MACROD2: variants seen among roughly 807,000 people sequenced by gnomAD.
The protein encoded by MACROD2 is mono-ADP ribosylhydrolase 2.
In MACROD2, 36 loss-of-function variants were observed where a neutral mutation model predicts 70.4. That is an observed-to-expected ratio of 0.51 (90% CI 0.39 to 0.68). The LOEUF (loss-of-function observed/expected upper bound fraction) is 0.68, where lower values mean the gene tolerates loss of function less well. Ranked by LOEUF, MACROD2 falls within the 30% of genes least tolerant of loss-of-function variation. The pLI, the probability that MACROD2 is intolerant of heterozygous loss-of-function variation, is 0.00. For synonymous variants in MACROD2, 172 were observed against 178.8 expected, an observed-to-expected ratio of 0.96 and a Z score of 0.30; for missense variants, 496 against 538.4, an observed-to-expected ratio of 0.92 and a Z score of 0.78.
chr20:14,846,489 T>C (rs2073142257), intron 5 of MACROD2, among the ~76,000 whole-genome samples: 1 of 151,330 alleles, frequency 6.6e-6, no homozygotes, highest in South Asian at 2.1e-4. Context: ...AGGTAGACTT[T>C]ACACTTTTTG....
intron 4 of MACROD2, among the ~76,000 whole-genome samples, chr20:14,526,117 G>T (rs902138551): frequency 6.6e-6 from 1 of 152,098 alleles, no homozygotes; most frequent in Admixed American, 6.5e-5. Flanking sequence ...CAAGGAGAGC[G>T]CAGTGCAAGT....
rs150248238 is a variant in MACROD2, at chr20:15,507,988, C to T, written c.645+8141C>T. 3.7e-3 allele frequency among the ~76,000 whole-genome samples: 571 copies of T among 152,304 alleles called. 2 individuals carry two copies. The highest frequency in any genetic ancestry group is 0.02 in the Middle Eastern group (6 of 294). ...ACTTTTAGGCGTTGAGCTGAGCTTG[C>T]CCAAATGCCCTGTCACCCATTCTTA... On this transcript the variant is annotated intron_variant, in intron 8 of 17. Transcript: ENST00000684519.
intron 5 of MACROD2, among the ~76,000 whole-genome samples, chr20:15,027,991 C>G (rs1600970808): frequency 6.6e-6 from 1 of 152,152 alleles, no homozygotes; most frequent in East Asian, 1.9e-4. Context: ...TGGACCTTAG[C>G]TTTAGGCCTG....
At chr20:15,831,352 C>A (rs573573427) in intron 8 of MACROD2, among the ~76,000 whole-genome samples, 1 of 152,250 alleles carries the variant, frequency 6.6e-6, no homozygotes, top group Middle Eastern at 3.4e-3. Context: ...TTTTTCCTAC[C>A]TTAGTCAGAG....
intron 8 of MACROD2, among the ~76,000 whole-genome samples, chr20:15,703,306 T>A (rs1274014599): frequency 1.3e-5 from 2 of 152,182 alleles, no homozygotes; most frequent in African/African-American, 4.8e-5. Flanking sequence ...TTTCCCACAG[T>A]CTCAGCTCTG....
chr20:14,075,015 C>T (rs1024677692), intron 2 of MACROD2, among the ~76,000 whole-genome samples: 2 of 152,170 alleles, frequency 1.3e-5, no homozygotes, highest in Non-Finnish European at 2.9e-5. Context: ...ATCACATTCA[C>T]TGTCTGTGTA....
chr20:14,342,317 G>A (rs970135892), intron 3 of MACROD2, among the ~76,000 whole-genome samples: 1 of 152,160 alleles, frequency 6.6e-6, no homozygotes, highest in African/African-American at 2.4e-5. Flanking sequence ...TTTTATACAT[G>A]TATAAACTTG....
In MACROD2 at chr20:14,731,240, G is replaced by A. The variant is rs777865654; in HGVS notation, c.418+46281G>A. Among the ~76,000 whole-genome samples, 3 of 152,094 alleles carry A rather than the reference G, an allele frequency of 2.0e-5. 1 individual carries two copies. The highest frequency in any genetic ancestry group is 4.4e-5 in the Non-Finnish European group (3 of 68,000). ...GATGAATGAGACTGAGACCTTTGCT[G>A]GCCTACCTGGGAGGAAACGTGCCTG... On this transcript the variant is annotated intron_variant, in intron 5 of 17. Coordinates refer to ENST00000684519, the MANE Select transcript of MACROD2 (RefSeq NM_001351661.2).
In MACROD2 at chr20:16,035,148, T is replaced by A. The variant is rs1368638080; in HGVS notation, c.1154-6053T>A. 3.2e-5 allele frequency among the ~76,000 whole-genome samples: 3 copies of A among 94,328 alleles called. 1 individual carries two copies. The highest frequency in any genetic ancestry group is 6.1e-5 in the Non-Finnish European group (3 of 48,962). The allele number at this position is 94,328 out of a possible 152,430, so 61.9% of individuals were successfully genotyped here. ...AAAATATTATATATTATATATTATA[T>A]ATAAAATATAATATAAAATATAAAA... On this transcript the variant is annotated intron_variant, in intron 15 of 17. Coordinates refer to ENST00000684519, the MANE Select transcript of MACROD2 (RefSeq NM_001351661.2).
At chr20:15,393,895 A>C (rs575404221) in intron 6 of MACROD2, among the ~76,000 whole-genome samples, 139 of 152,224 alleles carry the variant, frequency 9.1e-4, no homozygotes, top group South Asian at 3.7e-3. Flanking sequence ...TTGTGTATGC[A>C]TGTCCCCCCC....
In MACROD2 at chr20:14,532,714, G is replaced by A. The variant is rs981016550; in HGVS notation, c.301+39206G>A. Reference sequence around the variant, plus strand: ...TTGGTTGCCTGTTGTTCAAATATACGCTACTGGCAGTTTCTCAAAATGTCA... The same window carrying A: ...TTGGTTGCCTGTTGTTCAAATATACACTACTGGCAGTTTCTCAAAATGTCA... On this transcript the variant is annotated intron_variant, in intron 4 of 17. Transcript: ENST00000684519. 7.9e-5 allele frequency among the ~76,000 whole-genome samples: 12 copies of A among 152,186 alleles called. No homozygotes were observed. The South Asian group carries it at 1.9e-3, about 24-fold the overall frequency.
intron 3 of MACROD2, among the ~76,000 whole-genome samples, chr20:14,385,477 C>T (rs923126199): frequency 6.6e-6 from 1 of 152,076 alleles, no homozygotes; most frequent in African/African-American, 2.4e-5. Context: ...CTTTAATGGA[C>T]CAGTTTAATG....
At chr20:15,761,446 A>C (rs896520571) in intron 8 of MACROD2, among the ~76,000 whole-genome samples, 3 of 152,236 alleles carry the variant, frequency 2.0e-5, no homozygotes, top group African/African-American at 4.8e-5. Context: ...TAGCTTAGTA[A>C]ATAATTAAGG....
intron 8 of MACROD2, among the ~76,000 whole-genome samples, chr20:15,850,162 T>C (rs372977515): frequency 2.0e-4 from 31 of 152,164 alleles, no homozygotes; most frequent in African/African-American, 7.0e-4. Context: ...GTAGATTATC[T>C]GTGGATCATG....
intron 3 of MACROD2, among the ~76,000 whole-genome samples, chr20:14,473,359 G>A (rs934149384): frequency 3.3e-5 from 5 of 152,054 alleles, no homozygotes; most frequent in Non-Finnish European, 5.9e-5. Flanking sequence ...CAACTTACAT[G>A]AGATCAACTT....
intron 3 of MACROD2, among the ~76,000 whole-genome samples, chr20:14,288,940 C>T (rs930305603): frequency 6.6e-6 from 1 of 152,212 alleles, no homozygotes; most frequent in African/African-American, 2.4e-5. Flanking sequence ...TTACCTGACC[C>T]TTGAGCCTGT....
At chr20:15,362,402 C>A (rs1333517783) in intron 6 of MACROD2, among the ~76,000 whole-genome samples, 1 of 151,540 alleles carries the variant, frequency 6.6e-6, no homozygotes, top group Admixed American at 6.6e-5. Context: ...AGTCTTTCAC[C>A]ATTAAGCATG....
chr20:14,088,466 A>G (rs910233592), intron 3 of MACROD2, among the ~76,000 whole-genome samples: 1 of 131,960 alleles, frequency 7.6e-6, no homozygotes, highest in African/African-American at 2.9e-5. Context: ...GTTTATATGT[A>G]TGTACATATG....
At chr20:15,327,472 C>T (rs923273230) in intron 6 of MACROD2, among the ~76,000 whole-genome samples, 2 of 152,102 alleles carry the variant, frequency 1.3e-5, no homozygotes, top group African/African-American at 4.8e-5. Context: ...AACTTAAAAT[C>T]ATGGCAGAAG....
Sources: gnomAD v4.1 joint callset for allele counts (sites outside exome capture counted in the v4.1 genomes callset) on GRCh38, gnomAD v4.1.1 for gene constraint, MANE v1.5 for transcripts, NCBI Gene and HGNC (gene_info 2026-07-23, HGNC 2026-07-21) for gene names.